SIRPA: variants seen among roughly 807,000 people sequenced by gnomAD.
The protein encoded by SIRPA is signal regulatory protein alpha, also known as tyrosine-protein phosphatase non-receptor type substrate 1.
In SIRPA, 9 loss-of-function variants were observed where a neutral mutation model predicts 50.3. That is an observed-to-expected ratio of 0.18 (90% CI 0.11 to 0.31). SIRPA has a LOEUF of 0.31. Ranked by LOEUF, SIRPA falls within the 10% of genes least tolerant of loss-of-function variation. The pLI is 1.00. For missense variants in SIRPA, 474 were observed against 661.6 expected, an observed-to-expected ratio of 0.72 and a Z score of 3.11; for synonymous variants, 265 against 284.1, an observed-to-expected ratio of 0.93 and a Z score of 0.68.
At position 1,938,319 on chromosome 20, in the gene SIRPA, C is replaced by T. The variant is rs1986714032; in HGVS notation, c.*751C>T. 6.5e-6 allele frequency: 1 copy of T among 152,730 alleles called. No homozygotes were observed. The highest frequency in any genetic ancestry group is 6.5e-5 in the Admixed American group (1 of 15,292). 9.5% of individuals were successfully genotyped at this position (152,730 alleles called of 1,614,324 possible). The stretch of plus-strand genomic sequence containing the variant: ...CCCTTCTAGACCTGAGCTTGCCCCT[C>T]CAGCTAGCACTAAGCAACATCTCGC... On this transcript the variant is annotated 3_prime_UTR_variant, in exon 8 of 8. Transcript: ENST00000358771.
chr20:1,924,907 G>A lies in SIRPA; in HGVS notation c.1201+30G>A, dbSNP rs377121802. The A allele has an allele frequency of 6.4e-7, 1 of 1,573,200 alleles. No homozygotes were observed. The highest frequency in any genetic ancestry group is 1.1e-5 in the South Asian group (1 of 90,252). The stretch of plus-strand genomic sequence containing the variant: ...GTGCATTCCCCTCTTCCTCCCTAAG[G>A]GTTTGTCCCTGGACTGTCCTCGGAG... On this transcript the variant is annotated intron_variant, in intron 5 of 7. Coordinates refer to ENST00000358771, the MANE Select transcript of SIRPA (RefSeq NM_001040023.2). The surrounding 1 kb of genome is among the most constrained non-coding windows in gnomAD (Gnocchi z 4.5).
chr20:1,918,074 C>T (rs1782703962), intron 2 of SIRPA, among the ~76,000 whole-genome samples: 1 of 152,196 alleles, frequency 6.6e-6, no homozygotes, highest in Non-Finnish European at 1.5e-5. Context: ...CCTCAGTTTC[C>T]TCATCTGTAG....
Position 1,924,905 on chromosome 20 carries a change from AG to A in SIRPA, c.1201+31del, listed in dbSNP as rs1279375018. The stretch of plus-strand genomic sequence containing the variant: ...GGGTGCATTCCCCTCTTCCTCCCTA[AG>A]GGTTTGTCCCTGGACTGTCCTCGGA... On this transcript the variant is annotated intron_variant, in intron 5 of 7. Coordinates refer to ENST00000358771, the MANE Select transcript of SIRPA (RefSeq NM_001040023.2). This position sits in a 1 kb window ranked among gnomAD's most constrained non-coding sequence, Gnocchi z 4.5. 1.3e-6 allele frequency: 2 copies of A among 1,576,770 alleles called. No individual in the cohort carries two copies. The highest frequency in any genetic ancestry group is 1.7e-6 in the Non-Finnish European group (2 of 1,146,316).
intron 1 of SIRPA, among the ~76,000 whole-genome samples, chr20:1,896,752 G>T (rs1022217281): frequency 6.6e-6 from 1 of 152,034 alleles, no homozygotes. Flanking sequence ...TGAAACCCAG[G>T]AATTCACATA....
chr20:1,922,636 A>T lies in SIRPA; in HGVS notation c.1078A>T (p.Thr360Ser). The T allele has an allele frequency of 6.2e-7, 1 of 1,610,636 alleles. No individual in the cohort carries two copies. The highest frequency in any genetic ancestry group is 8.5e-7 in the Non-Finnish European group (1 of 1,178,554). ...SAHPKEQGSN[T>S]AAENTGSNER... Reference sequence around the variant, plus strand: ...CCACCCGAAGGAGCAGGGCTCAAATACCGCCGCTGGTGAGGCCTCTATTTC... The same window carrying T: ...CCACCCGAAGGAGCAGGGCTCAAATTCCGCCGCTGGTGAGGCCTCTATTTC... The change falls in exon 4 of 8, where the codon ACC becomes TCC. Residue 360 changes from threonine (T) to serine (S), a missense_variant. Physicochemically the swap from Thr to Ser is moderately conservative, Grantham distance 58. Transcript: ENST00000358771.
At chr20:1,931,590 C>T (rs185269941) in intron 6 of SIRPA, among the ~76,000 whole-genome samples, 2 of 152,276 alleles carry the variant, frequency 1.3e-5, no homozygotes, top group Admixed American at 1.3e-4. Context: ...GGTGGTTTCC[C>T]ATGTAGCAGC....
intron 1 of SIRPA, among the ~76,000 whole-genome samples, chr20:1,902,941 G>C (rs1230967399): frequency 1.3e-5 from 2 of 150,496 alleles, no homozygotes; most frequent in Non-Finnish European, 2.9e-5. Flanking sequence ...GACCCCAGGA[G>C]GCAGAGGTTG....
At chr20:1,921,325 G>C in intron 2 of SIRPA, 70 bp from the exon 3 acceptor site, 1 of 1,608,204 alleles carries the variant, frequency 6.2e-7, no homozygotes, top group Non-Finnish European at 8.5e-7. Flanking sequence ...GGTTCTTAAC[G>C]TGTCACACAC....
At position 1,922,660 on chromosome 20, in the gene SIRPA, T is replaced by G. The variant is rs897570323; in HGVS notation, c.1087+15T>G. On this transcript the variant is annotated intron_variant, in intron 4 of 7. Transcript: ENST00000358771. ...TACCGCCGCTGGTGAGGCCTCTATTTCAGCTGACCCAGCTTTTTTAAACTT... is the reference window on the plus strand; with the variant it reads ...TACCGCCGCTGGTGAGGCCTCTATTGCAGCTGACCCAGCTTTTTTAAACTT... 4 of 1,598,978 alleles carry G rather than the reference T, an allele frequency of 2.5e-6. No homozygotes were observed. In the African/African-American group the frequency reaches 5.4e-5, roughly 22 times the overall value.
chr20:1,901,277 TCTC>T (rs1002496146), intron 1 of SIRPA, among the ~76,000 whole-genome samples: 20 of 149,716 alleles, frequency 1.3e-4, no homozygotes, highest in Admixed American at 1.3e-4. Context: ...TCCAAGCAAT[TCTC>T]CTATCTCAGC....
chr20:1,903,483 C>T (rs6081095), intron 1 of SIRPA, among the ~76,000 whole-genome samples: 1 of 152,082 alleles, frequency 6.6e-6, no homozygotes, highest in Non-Finnish European at 1.5e-5. Flanking sequence ...GTCCTTGCCC[C>T]CTTCGGGCTC....
intron 2 of SIRPA, among the ~76,000 whole-genome samples, chr20:1,918,950 C>T (rs1985479245): frequency 6.6e-6 from 1 of 152,244 alleles, no homozygotes; most frequent in African/African-American, 2.4e-5. Context: ...ACTCCACCAC[C>T]ATGGGCCTCA....
Position 1,922,652 on chromosome 20 carries a change from C to T in SIRPA, c.1087+7C>T, listed in dbSNP as rs779357764. The T allele has an allele frequency of 1.9e-6, 3 of 1,607,810 alleles. No homozygotes were observed. The highest frequency in any genetic ancestry group is 2.5e-6 in the Non-Finnish European group (3 of 1,176,776). On this transcript the variant is annotated splice_region_variant and intron_variant, in intron 4 of 7. Transcript: ENST00000358771. ...GGCTCAAATACCGCCGCTGGTGAGG[C>T]CTCTATTTCAGCTGACCCAGCTTTT...
chr20:1,895,016 C>G (rs1028859893), upstream of SIRPA, among the ~76,000 whole-genome samples: 1 of 148,640 alleles, frequency 6.7e-6, no homozygotes, highest in Non-Finnish European at 1.5e-5. Context: ...GCCGTGCTGC[C>G]CCTCGCCCCT....
rs1399588851 is a variant in SIRPA at position 1,939,805 on chromosome 20, A to C, written c.*2237A>C. 1 of 152,680 alleles carries C rather than the reference A, an allele frequency of 6.5e-6. No homozygotes were observed. The highest frequency in any genetic ancestry group is 1.5e-5 in the Non-Finnish European group (1 of 68,042). The allele number at this position is 152,680 out of a possible 1,614,324, so 9.5% of individuals were successfully genotyped here. A position where few individuals can be genotyped will look rare whatever the true frequency, so the allele number is the denominator to read the frequency against. ...GGAGTTTATTTTAAGACTGCTGGGAAGGAAACAGGCCCCATTTTGTATATA... is the reference window on the plus strand; with the variant it reads ...GGAGTTTATTTTAAGACTGCTGGGACGGAAACAGGCCCCATTTTGTATATA... On this transcript the variant is annotated 3_prime_UTR_variant, in exon 8 of 8. Coordinates refer to ENST00000358771, the MANE Select transcript of SIRPA (RefSeq NM_001040023.2). This position sits in a 1 kb window ranked among gnomAD's most constrained non-coding sequence, Gnocchi z 4.7.
At chr20:1,919,349 C>A (rs951202484) in intron 2 of SIRPA, among the ~76,000 whole-genome samples, 1 of 152,246 alleles carries the variant, frequency 6.6e-6, no homozygotes, top group East Asian at 1.9e-4. Context: ...GGGATAGACA[C>A]CCAGAGGTCA....
intron 3 of SIRPA, 25 bp downstream of exon 3, chr20:1,921,737 G>A (rs1371722579): frequency 1.2e-6 from 2 of 1,613,906 alleles, no homozygotes; most frequent in Non-Finnish European, 8.5e-7. Context: ...CCCAGCCCAA[G>A]CCCACACCTG....
At chr20:1,905,791 C>T (rs563831473) in intron 1 of SIRPA, among the ~76,000 whole-genome samples, 1 of 152,368 alleles carries the variant, frequency 6.6e-6, no homozygotes, top group South Asian at 2.1e-4. Context: ...TGCCACTTTG[C>T]AAACAGGGTC....
chr20:1,902,740 G>A (rs1010782753), intron 1 of SIRPA, among the ~76,000 whole-genome samples: 2 of 152,120 alleles, frequency 1.3e-5, no homozygotes, highest in East Asian at 1.9e-4. Flanking sequence ...GGCCAGGTGC[G>A]GTGGCTCACG....
Sources: allele counts gnomAD v4.1 joint callset (sites outside exome capture counted in the v4.1 genomes callset), GRCh38; gene constraint gnomAD v4.1.1; non-coding constraint Gnocchi (gnomAD v3.1); transcripts MANE v1.5; gene names NCBI Gene and HGNC (gene_info 2026-07-23, HGNC 2026-07-21).